Variants in RIN2 observed in about 807,000 individuals in gnomAD.
RIN2 encodes RAB5 interacting protein 2.
A neutral mutation model predicts 78.0 loss-of-function variants in RIN2; 36 were observed. That is an observed-to-expected ratio of 0.46 (90% CI 0.35 to 0.61). RIN2 has a LOEUF of 0.61. Among genes scored for constraint, RIN2 ranks in the 20% least tolerant of loss-of-function variants. The probability of loss-of-function intolerance (pLI) is 0.00; values close to 1 mark genes in which losing one functional copy is unlikely to be tolerated. For missense variants in RIN2, 1,087 were observed against 1,159.7 expected, an observed-to-expected ratio of 0.94 and a Z score of 0.91; for synonymous variants, 466 against 466.8, an observed-to-expected ratio of 1.00 and a Z score of 0.02.
intron 2 of RIN2, among the ~76,000 whole-genome samples, chr20:19,844,245 T>C (rs2036666327): frequency 6.6e-6 from 1 of 152,128 alleles, no homozygotes; most frequent in Non-Finnish European, 1.5e-5. Context: ...ATGTGAGGGA[T>C]AAAAAAACAT....
At chr20:19,767,944 T>C (rs1224393902) in intron 1 of RIN2, among the ~76,000 whole-genome samples, 2 of 127,042 alleles carry the variant, frequency 1.6e-5, no homozygotes, top group Admixed American at 8.1e-5. Flanking sequence ...AAAAAATCAA[T>C]GCAAGTCTCC....
At chr20:19,903,296 C>T (rs1026405887) in intron 3 of RIN2, among the ~76,000 whole-genome samples, 11 of 151,810 alleles carry the variant, frequency 7.2e-5, no homozygotes, top group African/African-American at 1.7e-4. Flanking sequence ...AGCCAGCGCT[C>T]GTGTGTGTCG....
At position 19,853,501 on chromosome 20, in the gene RIN2, A is replaced by G. The variant is rs527939029; in HGVS notation, c.-36-36065A>G. 1.8e-3 allele frequency among the ~76,000 whole-genome samples: 269 copies of G among 152,320 alleles called. 1 individual carries two copies. Among genetic ancestry groups the G allele is most frequent in the East Asian group, 9.3e-3 (48 of 5,176 alleles). Reference sequence around the variant, plus strand: ...TGAACTAGTTTACAGTCCCACCAACAGTGTAAAAGTGTTCCTGTTTCTCCA... The same window carrying G: ...TGAACTAGTTTACAGTCCCACCAACGGTGTAAAAGTGTTCCTGTTTCTCCA... On this transcript the variant is annotated intron_variant, in intron 2 of 12. Transcript: ENST00000255006.
intron 7 of RIN2, among the ~76,000 whole-genome samples, chr20:19,966,070 G>A (rs1283455320): frequency 6.6e-6 from 1 of 152,070 alleles, no homozygotes; most frequent in African/African-American, 2.4e-5. Context: ...TGCAGGGATT[G>A]GCATTGCCTC....
chr20:19,818,197 A>AT (rs11474909), intron 2 of RIN2, among the ~76,000 whole-genome samples: 1 of 151,846 alleles, frequency 6.6e-6, no homozygotes, highest in African/African-American at 2.4e-5. Context: ...GGTATAAAAG[A>AT]TTTTTTTTTA....
intron 6 of RIN2, among the ~76,000 whole-genome samples, chr20:19,963,321 A>T (rs904958371): frequency 6.6e-6 from 1 of 152,052 alleles, no homozygotes. Context: ...TAATACAAAA[A>T]AGCGAAGAAG....
At chr20:19,823,179 G>A (rs1480295385) in intron 2 of RIN2, among the ~76,000 whole-genome samples, 3 of 152,150 alleles carry the variant, frequency 2.0e-5, no homozygotes, top group Non-Finnish European at 4.4e-5. Flanking sequence ...TAGTCGTAGA[G>A]CCATAGCAAG....
intron 5 of RIN2, among the ~76,000 whole-genome samples, chr20:19,958,481 C>G (rs2041628595): frequency 6.6e-6 from 1 of 152,264 alleles, no homozygotes; most frequent in Non-Finnish European, 1.5e-5. Context: ...CTCCATCCAC[C>G]TGCCTGATCC....
intron 9 of RIN2, among the ~76,000 whole-genome samples, chr20:19,987,844 G>A (rs2042669752): frequency 6.6e-6 from 1 of 151,980 alleles, no homozygotes; most frequent in South Asian, 2.1e-4. Flanking sequence ...GATTTCTATA[G>A]TTATATAAAC....
chr20:19,883,597 C>T (rs917741714), intron 2 of RIN2, among the ~76,000 whole-genome samples: 1 of 152,098 alleles, frequency 6.6e-6, no homozygotes, highest in African/African-American at 2.4e-5. Flanking sequence ...CCCACCTCAG[C>T]GTCCCAAAGT....
chr20:19,940,800 C>T (rs1471796624), intron 4 of RIN2, among the ~76,000 whole-genome samples: 1 of 152,228 alleles, frequency 6.6e-6, no homozygotes, highest in Non-Finnish European at 1.5e-5. Context: ...AGGTAGGTTC[C>T]ACCCTCATCA....
intron 8 of RIN2, among the ~76,000 whole-genome samples, chr20:19,973,054 C>T (rs950247236): frequency 6.6e-6 from 1 of 152,166 alleles, no homozygotes; most frequent in African/African-American, 2.4e-5. Flanking sequence ...CAGCATATCT[C>T]AAACTCAGGC....
chr20:19,927,759 A>G (rs896224436), intron 3 of RIN2, among the ~76,000 whole-genome samples: 2 of 152,004 alleles, frequency 1.3e-5, no homozygotes, highest in Admixed American at 1.3e-4. Context: ...TATGTTGCTT[A>G]GGCTGGTCTC....
At chr20:19,770,875 C>CG (rs1343476712) in intron 1 of RIN2, among the ~76,000 whole-genome samples, 1 of 19,066 alleles carries the variant, frequency 5.2e-5, no homozygotes, top group South Asian at 2.5e-3. Context: ...CTGCCCCCAC[C>CG]CCCCCCCCCC....
chr20:19,889,562 T>C lies in RIN2; in HGVS notation c.-36-4T>C, dbSNP rs571021297. The C allele has an allele frequency of 6.5e-7, 1 of 1,548,108 alleles. No individual in the cohort carries two copies. Among genetic ancestry groups the C allele is most frequent in the East Asian group, 2.5e-5 (1 of 40,646 alleles). ...CTAACCATTAAAAATGTCTCTACCT[T>C]CAGGAGTCCCCGGCGTGCAGTGGAG... On this transcript the variant is annotated splice_polypyrimidine_tract_variant and splice_region_variant and intron_variant, in intron 2 of 12. Coordinates refer to ENST00000255006, the MANE Select transcript of RIN2 (RefSeq NM_018993.4).
chr20:19,796,726 G>C (rs143073189), intron 1 of RIN2, among the ~76,000 whole-genome samples: 1 of 152,172 alleles, frequency 6.6e-6, no homozygotes, highest in African/African-American at 2.4e-5. Context: ...TCTGGGCTTG[G>C]AGCTTGCTTA....
intron 2 of RIN2, among the ~76,000 whole-genome samples, chr20:19,813,220 C>A (rs993089682): frequency 2.0e-5 from 3 of 152,222 alleles, no homozygotes; most frequent in Non-Finnish European, 2.9e-5. Flanking sequence ...AACTGCGTGC[C>A]TGCAGCTAAT....
In RIN2 at chr20:19,758,334, GGCGGTGGCA is replaced by G. The variant is rs1476748996; in HGVS notation, c.-163+12_-163+20del. On this transcript the variant is annotated splice_region_variant and intron_variant, in intron 1 of 12. Transcript: ENST00000255006. ...CGGGGAGGGCCCGCGAGAGGTAAGG[GGCGGTGGCA>G]GCGGAGACCCCACCCCCTGTGCCCG... The G allele has an allele frequency of 1.3e-5, 2 of 152,292 alleles. No individual in the cohort carries two copies. Among genetic ancestry groups the G allele is most frequent in the Non-Finnish European group, 2.9e-5 (2 of 68,088 alleles). The allele number at this position is 152,292 out of a possible 1,614,324, so 9.4% of individuals were successfully genotyped here.
intron 4 of RIN2, among the ~76,000 whole-genome samples, chr20:19,943,914 T>TTCCCTTC (rs2040980137): frequency 6.6e-6 from 1 of 151,956 alleles, no homozygotes; most frequent in Non-Finnish European, 1.5e-5. Flanking sequence ...GGATTGGGGT[T>TTCCCTTC]TCCCTTCTTC....
Sources: gnomAD v4.1 joint callset for allele counts (sites outside exome capture counted in the v4.1 genomes callset) on GRCh38, gnomAD v4.1.1 for gene constraint, MANE v1.5 for transcripts, NCBI Gene and HGNC (gene_info 2026-07-23, HGNC 2026-07-21) for gene names.